Variants in CDH17 observed in about 807,000 individuals in gnomAD.
CDH17 encodes cadherin-17.
In CDH17, 67 loss-of-function variants were observed where a neutral mutation model predicts 86.3. The observed-to-expected ratio is 0.78, with a 90% CI of 0.64 to 0.95. The LOEUF is 0.95. Ranked by LOEUF, CDH17 falls within the 40% of genes least tolerant of loss-of-function variation. CDH17 has a pLI of 0.00. For missense variants in CDH17, 993 were observed against 1,017.6 expected (o/e 0.98, Z 0.33); for synonymous variants, 367 against 366.4 (o/e 1.00, Z -0.02).
chr8:94,130,038 G>A (rs1399868319), intron 17 of CDH17, among the ~76,000 whole-genome samples: 1 of 152,104 alleles, frequency 6.6e-6, no homozygotes, highest in African/African-American at 2.4e-5. Context: ...TGAGTTGTTT[G>A]CAAAAAAGAA....
In CDH17 at chr8:94,127,985, T is replaced by C; in HGVS notation, c.*255A>G. Reference sequence around the variant, plus strand: ...GTGGGTGCCTGTAAACCCAGCTACTTAGGAAGCTGAGGCAGGAGAATCATG... The same window carrying C: ...GTGGGTGCCTGTAAACCCAGCTACTCAGGAAGCTGAGGCAGGAGAATCATG... On this transcript the variant is annotated 3_prime_UTR_variant, in exon 18 of 18. Coordinates refer to ENST00000027335, the MANE Select transcript of CDH17 (RefSeq NM_004063.4). 3.0e-6 allele frequency: 1 copy of C among 337,480 alleles called. No individual in the cohort carries two copies. The allele number at this position is 337,480 out of a possible 1,614,324, so 20.9% of individuals were successfully genotyped here.
At chr8:94,155,192 C>T (rs1586246930) in intron 12 of CDH17, among the ~76,000 whole-genome samples, 1 of 152,008 alleles carries the variant, frequency 6.6e-6, no homozygotes, top group Admixed American at 6.5e-5. Context: ...TGGCCCTCGT[C>T]GACCTCGTGA....
chr8:94,127,226 T>C lies in CDH17; in HGVS notation c.*1014A>G, dbSNP rs1031253811. On this transcript the variant is annotated 3_prime_UTR_variant, in exon 18 of 18. Transcript: ENST00000027335. ...ATTTGTCACCACTCTTTTCATGTCT[T>C]GTTTTCTTCCACATGTTAAATATAT... 2.0e-5 allele frequency: 3 copies of C among 152,256 alleles called. No individual in the cohort carries two copies. The highest frequency in any genetic ancestry group is 6.5e-5 in the Admixed American group (1 of 15,290). The allele number at this position is 152,256 out of a possible 1,614,324, so 9.4% of individuals were successfully genotyped here.
At chr8:94,156,508 T>C (rs1038946204) in intron 12 of CDH17, among the ~76,000 whole-genome samples, 29 of 152,138 alleles carry the variant, frequency 1.9e-4, no homozygotes, top group African/African-American at 7.0e-4. Flanking sequence ...CCCAAGAGCA[T>C]GATAACCAAG....
At chr8:94,212,774 T>G (rs569773876), upstream of CDH17, among the ~76,000 whole-genome samples, 17 of 152,362 alleles carry the variant, frequency 1.1e-4, no homozygotes, top group Admixed American at 3.9e-4. Context: ...GATTTTTAAC[T>G]TCATCTATAG....
chr8:94,200,201 A>C (rs1813877446), intron 1 of CDH17, among the ~76,000 whole-genome samples: 3 of 152,164 alleles, frequency 2.0e-5, no homozygotes, highest in Admixed American at 1.3e-4. Flanking sequence ...TTCCATGGAC[A>C]CAATACCATT....
intron 2 of CDH17, among the ~76,000 whole-genome samples, 163 bp from the exon 3 acceptor site, chr8:94,189,448 C>T (rs765721170): frequency 8.5e-5 from 13 of 152,084 alleles, no homozygotes; most frequent in South Asian, 2.1e-4. Context: ...AGCTCTACCA[C>T]GTCAAAGTAG....
chr8:94,167,316 C>G (rs1002692840), intron 9 of CDH17, among the ~76,000 whole-genome samples: 1 of 152,112 alleles, frequency 6.6e-6, no homozygotes, highest in Non-Finnish European at 1.5e-5. Context: ...TTGTAGGTCT[C>G]TTTATATGTA....
intron 7 of CDH17, among the ~76,000 whole-genome samples, 177 bp from the exon 8 acceptor site, chr8:94,171,162 C>T (rs1813262467): frequency 6.6e-6 from 1 of 152,136 alleles, no homozygotes; most frequent in African/African-American, 2.4e-5. Flanking sequence ...TTTCCCCCCA[C>T]CAAGTTATAT....
intron 7 of CDH17, 101 bp downstream of exon 7, chr8:94,173,696 G>T: frequency 1.2e-6 from 1 of 860,610 alleles, no homozygotes. Flanking sequence ...TATGAAAAAG[G>T]TATCTAATAA....
At chr8:94,214,090 T>G (rs192121285) in intron 1 of CDH17, among the ~76,000 whole-genome samples, 1 of 152,310 alleles carries the variant, frequency 6.6e-6, no homozygotes, top group East Asian at 1.9e-4. Context: ...AGGTGTCCCA[T>G]GTGCACAACA....
Position 94,177,643 on chromosome 8 carries a change from G to A in CDH17, c.229C>T (p.Leu77Phe). ...DNIFVIEREG[L>F]LYYNRALDRE... ...TCCAAGGCTCTGTTGTAATACAGAA[G>A]TCCCTCCCGTTCTATCACAAATATG... The change falls in exon 4 of 18, where the codon CTT becomes TTT. Residue 77 changes from leucine to phenylalanine, a missense_variant. Coordinates refer to ENST00000027335, the MANE Select transcript of CDH17 (RefSeq NM_004063.4). The A allele has an allele frequency of 1.9e-6, 3 of 1,613,472 alleles. No homozygotes were observed. The highest frequency in any genetic ancestry group is 2.5e-6 in the Non-Finnish European group (3 of 1,179,470).
At chr8:94,137,376 C>G (rs946606442) in intron 15 of CDH17, among the ~76,000 whole-genome samples, 5 of 152,170 alleles carry the variant, frequency 3.3e-5, no homozygotes, top group African/African-American at 9.7e-5. Context: ...CAGGCTGCCA[C>G]CTTGCAATTT....
chr8:94,214,583 G>T (rs75142679), intron 1 of CDH17, among the ~76,000 whole-genome samples: 10,682 of 151,906 alleles, frequency 0.07, 1,247 homozygotes, highest in African/African-American at 0.24. Context: ...TATGGCCTTG[G>T]ATTAGGAAAT....
chr8:94,173,733 G>T, intron 7 of CDH17, 64 bp downstream of exon 7: 4 of 1,178,932 alleles, frequency 3.4e-6, no homozygotes, highest in Non-Finnish European at 5.1e-6. Context: ...TGTGAGGGTG[G>T]GTCTCTACAA....
intron 15 of CDH17, among the ~76,000 whole-genome samples, chr8:94,136,817 G>C (rs1812538962): frequency 6.6e-6 from 1 of 151,330 alleles, no homozygotes; most frequent in Non-Finnish European, 1.5e-5. Flanking sequence ...TGGTGTAGAT[G>C]TCCTTTTTGC....
intron 1 of CDH17, among the ~76,000 whole-genome samples, chr8:94,214,578 C>T (rs558022204): frequency 2.9e-4 from 44 of 151,962 alleles, no homozygotes; most frequent in African/African-American, 1.0e-3. Flanking sequence ...ATCTTTATGG[C>T]CTTGGATTAG....
At chr8:94,199,170 C>A (rs1299178654) in intron 1 of CDH17, among the ~76,000 whole-genome samples, 1 of 149,384 alleles carries the variant, frequency 6.7e-6, no homozygotes, top group Non-Finnish European at 1.5e-5. Context: ...TTTAACTTAT[C>A]AGGTCTCTTC....
intron 3 of CDH17, among the ~76,000 whole-genome samples, chr8:94,185,094 T>C (rs1427538901): frequency 6.6e-6 from 1 of 152,172 alleles, no homozygotes; most frequent in Non-Finnish European, 1.5e-5. Flanking sequence ...AGGAGACCTG[T>C]GTTCTATTGT....
Sources: gnomAD v4.1 joint callset for allele counts (sites outside exome capture counted in the v4.1 genomes callset) on GRCh38, gnomAD v4.1.1 for gene constraint, MANE v1.5 for transcripts, NCBI Gene and HGNC (gene_info 2026-07-23, HGNC 2026-07-21) for gene names.